The following ADNP variants were observed in gnomAD, a reference collection of about 807,000 sequenced individuals.
The protein encoded by ADNP is activity dependent neuroprotector homeobox.
Under a neutral mutation model 84.9 loss-of-function variants are expected in ADNP, and 4 were observed. The observed-to-expected ratio is 0.05, with a 90% confidence interval of 0.02 to 0.11. The LOEUF is 0.11. Among genes scored for constraint, ADNP ranks in the 10% least tolerant of loss-of-function variants. ADNP has a pLI of 1.00. For missense variants in ADNP, 1,132 were observed against 1,326.0 expected (o/e 0.85, Z 2.27); for synonymous variants, 554 against 468.1 (o/e 1.18, Z -2.37).
chr20:50,899,446 G>A (rs1471482285), intron 5 of ADNP, among the ~76,000 whole-genome samples: 1 of 152,090 alleles, frequency 6.6e-6, no homozygotes, highest in Non-Finnish European at 1.5e-5. Flanking sequence ...CCTGACCTCA[G>A]GCGATCCACC....
chr20:50,926,984 C>T (rs1984332076), intron 2 of ADNP, among the ~76,000 whole-genome samples: 1 of 152,066 alleles, frequency 6.6e-6, no homozygotes, highest in Non-Finnish European at 1.5e-5. Context: ...ACTTTCAAAA[C>T]GTGTAAGTAG....
intron 5 of ADNP, among the ~76,000 whole-genome samples, chr20:50,901,000 T>A (rs1012529067): frequency 1.3e-5 from 2 of 152,162 alleles, no homozygotes; most frequent in Non-Finnish European, 2.9e-5. Context: ...TAAAAGCCAA[T>A]AATACATTAT....
chr20:50,891,111 GA>G lies in ADNP; in HGVS notation c.*293del. ...TGACCAATCATTTCACAGAGGGAAA[GA>G]AATGTTGAAAAGGCAGATAAAATAA... On this transcript the variant is annotated 3_prime_UTR_variant, in exon 6 of 6. Coordinates refer to ENST00000621696, the MANE Select transcript of ADNP (RefSeq NM_001282531.3). The G allele has an allele frequency of 1.7e-6, 2 of 1,179,666 alleles. No homozygotes were observed. The highest frequency in any genetic ancestry group is 2.1e-6 in the Non-Finnish European group (2 of 954,200). The allele number at this position is 1,179,666 out of a possible 1,614,324, so 73.1% of individuals were successfully genotyped here.
chr20:50,894,952 T>C (rs1331144942), intron 5 of ADNP, among the ~76,000 whole-genome samples: 2 of 151,646 alleles, frequency 1.3e-5, no homozygotes, highest in Admixed American at 6.6e-5. Context: ...CTTTATAAAA[T>C]AGAAACTCAA....
intron 2 of ADNP, among the ~76,000 whole-genome samples, chr20:50,912,987 C>T (rs1983182577): frequency 6.6e-6 from 1 of 152,020 alleles, no homozygotes; most frequent in South Asian, 2.1e-4. Flanking sequence ...CGCCATGGCT[C>T]ATGTCTGTAA....
At chr20:50,900,404 CAG>C (rs948114131) in intron 5 of ADNP, among the ~76,000 whole-genome samples, 4 of 152,314 alleles carry the variant, frequency 2.6e-5, no homozygotes, top group African/African-American at 9.6e-5. Context: ...CATCACCTAA[CAG>C]GGCATTTCTC....
Position 50,891,649 on chromosome 20 carries a change from T to C in ADNP, c.3065A>G (p.Asp1022Gly), listed in dbSNP as rs1470174108. ...ATTCTTCCATTTCAACTGCTCTCTG[T>C]CACCTTGCATGGTAGCCTTTTTTTT... The part of the protein sequence containing the change: ...AAKKKATMQG[D>G]REQLKWKNSS... Residue 1022 changes from aspartate (D) to glycine (G), a missense_variant, in exon 6 of 6, where the codon GAC (aspartate) becomes GGC (glycine). Asp to Gly is a moderately conservative substitution (Grantham distance 94). Around this residue, in one of 10 missense-constraint regions of ADNP, gnomAD observed 381 missense variants for 319.9 expected, o/e 1.19. Coordinates refer to ENST00000621696, the MANE Select transcript of ADNP (RefSeq NM_001282531.3). 4 of 1,614,258 alleles carry C rather than the reference T, an allele frequency of 2.5e-6. No individual in the cohort carries two copies. The highest frequency in any genetic ancestry group is 2.5e-6 in the Non-Finnish European group (3 of 1,180,048).
chr20:50,891,339 T>C lies in ADNP; in HGVS notation c.*66A>G. 6.7e-7 allele frequency: 1 copy of C among 1,489,696 alleles called. No homozygotes were observed. 92.3% of individuals were successfully genotyped at this position (1,489,696 alleles called of 1,614,324 possible). ...AGGCAGTACCAGTGAGAAGACAGCT[T>C]TGCAGTCACACTGGATATCAGAGTT... On this transcript the variant is annotated 3_prime_UTR_variant, in exon 6 of 6. Transcript: ENST00000621696.
In ADNP at chr20:50,890,838, G is replaced by A; in HGVS notation, c.*567C>T. The A allele has an allele frequency of 2.3e-6, 2 of 857,138 alleles. No homozygotes were observed. Among genetic ancestry groups the A allele is most frequent in the Non-Finnish European group, 2.8e-6 (2 of 712,922 alleles). The allele number at this position is 857,138 out of a possible 1,614,324, so 53.1% of individuals were successfully genotyped here. A position where few individuals can be genotyped will look rare whatever the true frequency, so the allele number is the denominator to read the frequency against. On this transcript the variant is annotated 3_prime_UTR_variant, in exon 6 of 6. Transcript: ENST00000621696. Reference sequence around the variant, plus strand: ...TTTTGAGCTTTTGCTAGGTAAACTAGATAGAGCGTTTATTACACAGCAAGG... The same window carrying A: ...TTTTGAGCTTTTGCTAGGTAAACTAAATAGAGCGTTTATTACACAGCAAGG...
intron 2 of ADNP, among the ~76,000 whole-genome samples, chr20:50,927,691 T>C (rs756518270): frequency 6.6e-6 from 1 of 152,174 alleles, no homozygotes; most frequent in Non-Finnish European, 1.5e-5. Flanking sequence ...CCACCTCACC[T>C]GGCCTCACCT....
chr20:50,905,624 CA>C (rs1982400152), intron 2 of ADNP: 1 of 152,058 alleles, frequency 6.6e-6, no homozygotes, highest in Non-Finnish European at 1.5e-5. Flanking sequence ...TATGAAGTAC[CA>C]AAGTCTAATT....
intron 2 of ADNP, among the ~76,000 whole-genome samples, chr20:50,925,621 C>CA (rs1357254944): frequency 6.6e-6 from 1 of 152,152 alleles, no homozygotes; most frequent in East Asian, 1.9e-4. Flanking sequence ...TGGAAAGTGC[C>CA]AAAGTAAAAA....
At chr20:50,897,866 A>G (rs529969958) in intron 5 of ADNP, among the ~76,000 whole-genome samples, 1 of 152,314 alleles carries the variant, frequency 6.6e-6, no homozygotes, top group African/African-American at 2.4e-5. Flanking sequence ...AGGCATATCT[A>G]TTCAGGAGGG....
chr20:50,902,211 G>GGAAAACCAAC, intron 4 of ADNP, 102 bp from the exon 5 acceptor site: 1 of 822,382 alleles, frequency 1.2e-6, no homozygotes, highest in Non-Finnish European at 2.0e-6. Flanking sequence ...GAGAGGCACA[G>GGAAAACCAAC]GAAAACCAAC....
chr20:50,913,983 T>C, intron 2 of ADNP: 2 of 743,576 alleles, frequency 2.7e-6, no homozygotes, highest in Non-Finnish European at 5.0e-6. Flanking sequence ...CTGGCCAGAA[T>C]GAGACTGTAA....
chr20:50,913,051 G>C (rs746375359), intron 2 of ADNP, among the ~76,000 whole-genome samples: 3 of 151,710 alleles, frequency 2.0e-5, no homozygotes, highest in African/African-American at 7.3e-5. Flanking sequence ...AGGAATTCAC[G>C]ACCAGCCTGG....
At chr20:50,923,072 G>T (rs143362926) in intron 2 of ADNP, among the ~76,000 whole-genome samples, 1 of 152,014 alleles carries the variant, frequency 6.6e-6, no homozygotes, top group East Asian at 1.9e-4. Flanking sequence ...GAGACCTAAC[G>T]TACCCTATAT....
At position 50,928,745 on chromosome 20, in the gene ADNP, A is replaced by G. The variant is rs1417598889; in HGVS notation, c.-184T>C. On this transcript the variant is annotated 5_prime_UTR_variant, in exon 2 of 6. Transcript: ENST00000621696. ...ACAGGGCATAACCACTAGGCCACCT[A>G]TCAGTTCAGTACAAAAAGTACAACC... is the stretch of plus-strand genomic sequence containing the variant. 6.6e-6 allele frequency: 1 copy of G among 152,254 alleles called. No homozygotes were observed. The highest frequency in any genetic ancestry group is 1.9e-4 in the East Asian group (1 of 5,196). 9.4% of individuals were successfully genotyped at this position (152,254 alleles called of 1,614,324 possible).
chr20:50,927,616 GA>G (rs1984379051), intron 2 of ADNP, among the ~76,000 whole-genome samples: 1 of 148,164 alleles, frequency 6.7e-6, no homozygotes, highest in Non-Finnish European at 1.5e-5. Context: ...AGCTGGTCTT[GA>G]ACTCCTGGCC....
Sources: gnomAD v4.1 joint callset for allele counts (sites outside exome capture counted in the v4.1 genomes callset) on GRCh38, gnomAD v4.1.1 for gene constraint, gnomAD v4.1.1 regional missense constraint, MANE v1.5 for transcripts, NCBI Gene and HGNC (gene_info 2026-07-23, HGNC 2026-07-21) for gene names.